Variants in MGAT5B observed in about 807,000 individuals in gnomAD.
MGAT5B encodes the protein N-acetylglucosaminyl-transferase Vb.
A neutral mutation model predicts 95.1 loss-of-function variants in MGAT5B; 54 were observed. The ratio of observed to expected loss-of-function variants is 0.57; its 90% CI spans 0.46 to 0.71. MGAT5B has a LOEUF of 0.71. Ranked by LOEUF, MGAT5B falls within the 30% of genes least tolerant of loss-of-function variation. The pLI, the probability that MGAT5B is intolerant of heterozygous loss-of-function variation, is 0.00. For missense variants in MGAT5B, 935 were observed against 1,088.6 expected (o/e 0.86, Z 1.99); for synonymous variants, 464 against 451.0 (o/e 1.03, Z -0.36).
At chr17:76,875,501 C>G (rs989164401) in intron 2 of MGAT5B, among the ~76,000 whole-genome samples, 14 of 152,156 alleles carry the variant, frequency 9.2e-5, no homozygotes, top group African/African-American at 3.4e-4. Flanking sequence ...TCAATTCAAC[C>G]TTTTTCATCT....
chr17:76,868,934 C>T lies in MGAT5B; in HGVS notation c.-96C>T, dbSNP rs970669559. ...CAGCTTCGCTCGGACGCGGCTTCGG[C>T]CCGCAGAGGGTTCGTGGCCCGGACG... On this transcript the variant is annotated 5_prime_UTR_variant, in exon 1 of 18. Transcript: ENST00000569840. This position sits in a 1 kb window ranked among gnomAD's most constrained non-coding sequence, Gnocchi z 6.3. 253 of 1,257,078 alleles carry T rather than the reference C, an allele frequency of 2.0e-4. No homozygotes were observed. The highest frequency in any genetic ancestry group is 2.7e-4 in the Non-Finnish European group (234 of 879,260). 77.9% of individuals were successfully genotyped at this position (1,257,078 alleles called of 1,614,324 possible).
chr17:76,906,321 C>T lies in MGAT5B; in HGVS notation c.1025+134C>T, dbSNP rs1968527651. The T allele has an allele frequency of 2.6e-6, 2 of 784,296 alleles. No homozygotes were observed. The highest frequency in any genetic ancestry group is 3.9e-6 in the Non-Finnish European group (2 of 515,968). The allele number at this position is 784,296 out of a possible 1,614,324, so 48.6% of individuals were successfully genotyped here. ...CCCACGGCCCTGAGACCCTGGGAGA[C>T]ATCCTGGTGTTCCGCAGGACATCAC... On this transcript the variant is annotated intron_variant, in intron 8 of 17. Coordinates refer to ENST00000569840, the MANE Select transcript of MGAT5B (RefSeq NM_001199172.2). The surrounding 1 kb of genome is among the most constrained non-coding windows in gnomAD (Gnocchi z 4.6).
At chr17:76,879,210 G>A (rs1967313940) in intron 2 of MGAT5B, among the ~76,000 whole-genome samples, 1 of 152,214 alleles carries the variant, frequency 6.6e-6, no homozygotes. Flanking sequence ...GATAGGCAGG[G>A]GCAGAGGAAG....
Position 76,938,231 on chromosome 17 carries a change from C to T in MGAT5B, c.1584+88C>T, listed in dbSNP as rs986848869. ...CATGCCTGCCACCACCACTCAGGCC[C>T]CTTCCACATATGGACATACCCCAGC... On this transcript the variant is annotated intron_variant, in intron 13 of 17. Coordinates refer to ENST00000569840, the MANE Select transcript of MGAT5B (RefSeq NM_001199172.2). The surrounding 1 kb of genome is among the most constrained non-coding windows in gnomAD (Gnocchi z 4.3). 3.1e-5 allele frequency: 46 copies of T among 1,505,216 alleles called. No individual in the cohort carries two copies. The African/African-American group carries it at 5.7e-4, about 19-fold the overall frequency. The allele number at this position is 1,505,216 out of a possible 1,614,324, so 93.2% of individuals were successfully genotyped here.
chr17:76,905,475 A>T lies in MGAT5B; in HGVS notation c.855+142A>T. ...AGGGAGAGAGGGGTAGGGATGGCAG[A>T]GTCGGGATAGATGTCTGTGGTGGTG... is the stretch of plus-strand genomic sequence containing the variant. On this transcript the variant is annotated intron_variant, in intron 7 of 17. Coordinates refer to ENST00000569840, the MANE Select transcript of MGAT5B (RefSeq NM_001199172.2). This position sits in a 1 kb window ranked among gnomAD's most constrained non-coding sequence, Gnocchi z 4.2. 1.3e-6 allele frequency: 1 copy of T among 798,786 alleles called. No homozygotes were observed. The highest frequency in any genetic ancestry group is 1.9e-6 in the Non-Finnish European group (1 of 531,694). 49.5% of individuals were successfully genotyped at this position (798,786 alleles called of 1,614,324 possible).
intron 8 of MGAT5B, among the ~76,000 whole-genome samples, chr17:76,911,623 T>C (rs192373100): frequency 3.0e-4 from 45 of 152,330 alleles, no homozygotes; most frequent in African/African-American, 1.1e-3. Flanking sequence ...GGGCATTGCA[T>C]TGGTCCCCAT....
intron 9 of MGAT5B, among the ~76,000 whole-genome samples, chr17:76,925,949 C>CTA (rs1790760060): frequency 6.6e-6 from 1 of 152,244 alleles, no homozygotes; most frequent in Admixed American, 6.5e-5. Flanking sequence ...GTTGGCTTAT[C>CTA]TATAGGGACA....
At chr17:76,924,029 A>T (rs1969210572) in intron 8 of MGAT5B, 1 of 152,186 alleles carries the variant, frequency 6.6e-6, no homozygotes, top group South Asian at 2.1e-4. Context: ...GGAGAAACCG[A>T]GGCTGTGGAG....
In MGAT5B at chr17:76,906,865, T is replaced by C. The variant is rs76171451; in HGVS notation, c.1025+678T>C. Among the ~76,000 whole-genome samples, 621 of 152,170 alleles carry C rather than the reference T, an allele frequency of 4.1e-3. 5 individuals are homozygous for C. The highest frequency in any genetic ancestry group is 0.014 in the African/African-American group (600 of 41,494). ...CTTTATTAATATTTATTGTAAGATA[T>C]ATGATGCATACAAAGTCTATGTAAA... On this transcript the variant is annotated intron_variant, in intron 8 of 17. Coordinates refer to ENST00000569840, the MANE Select transcript of MGAT5B (RefSeq NM_001199172.2). The surrounding 1 kb of genome is among the most constrained non-coding windows in gnomAD (Gnocchi z 4.6).
At chr17:76,941,858 C>T (rs2145280217) in intron 15 of MGAT5B, among the ~76,000 whole-genome samples, 1 of 152,342 alleles carries the variant, frequency 6.6e-6, no homozygotes, top group Admixed American at 6.5e-5. Flanking sequence ...ACGGGGGCCT[C>T]TGCAAGATGG....
chr17:76,926,901 G>T (rs1010372258), intron 10 of MGAT5B, among the ~76,000 whole-genome samples, 171 bp downstream of exon 10: 2 of 152,168 alleles, frequency 1.3e-5, no homozygotes, highest in Non-Finnish European at 2.9e-5. Flanking sequence ...GTGTGAACCA[G>T]GAAGGAAGCC....
Position 76,912,553 on chromosome 17 carries a change from G to C in MGAT5B, c.1025+6366G>C, listed in dbSNP as rs896850575. The stretch of plus-strand genomic sequence containing the variant: ...CATTTGTTGTAGTTTATTCGCAGAT[G>C]TTCACGGCAGATGTCCTGGCCACTG... On this transcript the variant is annotated intron_variant, in intron 8 of 17. Coordinates refer to ENST00000569840, the MANE Select transcript of MGAT5B (RefSeq NM_001199172.2). The surrounding 1 kb of genome is among the most constrained non-coding windows in gnomAD (Gnocchi z 5.0). 6.6e-6 allele frequency among the ~76,000 whole-genome samples: 1 copy of C among 152,148 alleles called. No individual in the cohort carries two copies. Among genetic ancestry groups the C allele is most frequent in the South Asian group, 2.1e-4 (1 of 4,832 alleles).
chr17:76,940,740 C>A lies in MGAT5B; in HGVS notation c.1740C>A (p.Ser580=). 6.2e-7 allele frequency: 1 copy of A among 1,614,102 alleles called. No individual in the cohort carries two copies. Among genetic ancestry groups the A allele is most frequent in the Middle Eastern group, 1.7e-4 (1 of 6,060 alleles). The part of the protein sequence containing the change: ...RGKPTSREVF[S]QHPYAENFIG... ...CTCTGTACCCTTGCCAGGTGTTCTC[C>A]CAGCATCCCTACGCGGAGAACTTCA... The change falls in exon 15 of 18, where the codon TCC becomes TCA. Residue 580 remains serine (S), a synonymous_variant. Transcript: ENST00000569840. The surrounding 1 kb of genome is among the most constrained non-coding windows in gnomAD (Gnocchi z 4.3).
chr17:76,908,683 G>A (rs1968622207), intron 8 of MGAT5B, among the ~76,000 whole-genome samples: 2 of 152,068 alleles, frequency 1.3e-5, no homozygotes, highest in South Asian at 2.1e-4. Flanking sequence ...ATCAAGTCAG[G>A]GTACTGGGGA....
chr17:76,946,259 TG>T, intron 15 of MGAT5B, 116 bp from the exon 16 acceptor site: 1 of 826,504 alleles, frequency 1.2e-6, no homozygotes, highest in Non-Finnish European at 1.9e-6. Flanking sequence ...GTCGGCTCCC[TG>T]GGCATGGCAC....
intron 8 of MGAT5B, among the ~76,000 whole-genome samples, chr17:76,907,780 G>A (rs995059223): frequency 2.0e-5 from 3 of 152,184 alleles, no homozygotes; most frequent in East Asian, 1.9e-4. Flanking sequence ...AGATAATGCC[G>A]AATTGTCTTC....
At chr17:76,933,576 C>T (rs184091686) in intron 12 of MGAT5B, among the ~76,000 whole-genome samples, 90 of 152,054 alleles carry the variant, frequency 5.9e-4, no homozygotes, top group African/African-American at 2.0e-3. Flanking sequence ...GAGGGACCAG[C>T]GTTGGATGGG....
At chr17:76,871,505 A>G (rs1357451831) in intron 1 of MGAT5B, among the ~76,000 whole-genome samples, 3 of 152,046 alleles carry the variant, frequency 2.0e-5, no homozygotes, top group Non-Finnish European at 2.9e-5. Flanking sequence ...AGCTTCCTTT[A>G]AATATGGGCT....
At chr17:76,926,950 G>A (rs1484818413) in intron 10 of MGAT5B, among the ~76,000 whole-genome samples, 1 of 152,208 alleles carries the variant, frequency 6.6e-6, no homozygotes, top group Non-Finnish European at 1.5e-5. Flanking sequence ...TGGAGGGGGT[G>A]TCCAGGGCGG....
Sources: allele counts gnomAD v4.1 joint callset (sites outside exome capture counted in the v4.1 genomes callset), GRCh38; gene constraint gnomAD v4.1.1; non-coding constraint Gnocchi (gnomAD v3.1); transcripts MANE v1.5; gene names NCBI Gene and HGNC (gene_info 2026-07-23, HGNC 2026-07-21).